PRUNE2: variants seen among roughly 807,000 people sequenced by gnomAD.
The protein encoded by PRUNE2 is protein prune homolog 2.
A neutral mutation model predicts 252.0 loss-of-function variants in PRUNE2; 164 were observed. That is an observed-to-expected ratio of 0.65 (90% confidence interval 0.57 to 0.74). PRUNE2 has a LOEUF of 0.74. PRUNE2 is among the 30% of genes least tolerant of loss of function. The pLI is 0.00. For missense variants in PRUNE2, 3,495 were observed against 3,711.0 expected (o/e 0.94, Z 1.51); for synonymous variants, 1,292 against 1,350.2 (o/e 0.96, Z 0.94).
In PRUNE2 at chr9:76,687,865, G is replaced by A. The variant is rs117077050; in HGVS notation, c.8276+15472C>T. ...ATGAGAGTCCTACACGAATTTCAGAGATAGCAGCAGTTCCTCCAGATGCGG... is the reference window on the plus strand; with the variant it reads ...ATGAGAGTCCTACACGAATTTCAGAAATAGCAGCAGTTCCTCCAGATGCGG... On this transcript the variant is annotated intron_variant, in intron 9 of 18. Transcript: ENST00000376718. Among the ~76,000 whole-genome samples the A allele has an allele frequency of 3.3e-5, 5 of 152,340 alleles. No homozygotes were observed. The East Asian group carries it at 9.6e-4, about 29-fold the overall frequency.
At chr9:76,884,700 G>C (rs370040693) in intron 1 of PRUNE2, among the ~76,000 whole-genome samples, 13 of 152,236 alleles carry the variant, frequency 8.5e-5, no homozygotes, top group African/African-American at 2.9e-4. Flanking sequence ...GGCATTACTA[G>C]TTTTAAAATA....
chr9:76,889,738 G>A (rs1488222321), intron 1 of PRUNE2, among the ~76,000 whole-genome samples: 1 of 152,172 alleles, frequency 6.6e-6, no homozygotes, highest in Non-Finnish European at 1.5e-5. Context: ...CTCCTCGGGG[G>A]GAAGCATGCC....
At chr9:76,619,996 GT>G in intron 17 of PRUNE2, among the ~76,000 whole-genome samples, 1 of 152,006 alleles carries the variant, frequency 6.6e-6, no homozygotes, top group East Asian at 1.9e-4. Context: ...AAATAAAAGT[GT>G]TTTTATGGCA....
intron 11 of PRUNE2, among the ~76,000 whole-genome samples, chr9:76,649,287 AT>A (rs1384108709): frequency 1.2e-4 from 18 of 152,124 alleles, no homozygotes; most frequent in African/African-American, 4.1e-4. Flanking sequence ...AGACACGTTT[AT>A]TTTTCAAAGA....
chr9:76,752,348 C>T (rs2050706694), intron 6 of PRUNE2, among the ~76,000 whole-genome samples: 2 of 152,132 alleles, frequency 1.3e-5, no homozygotes, highest in Non-Finnish European at 2.9e-5. Flanking sequence ...CCACCTGCCT[C>T]GGCCTCCCAA....
At chr9:76,867,884 T>C (rs2060939262) in intron 1 of PRUNE2, among the ~76,000 whole-genome samples, 1 of 152,134 alleles carries the variant, frequency 6.6e-6, no homozygotes, top group Non-Finnish European at 1.5e-5. Flanking sequence ...TTTGCTTTTT[T>C]CTCTTAATCT....
Position 76,708,866 on chromosome 9 carries a change from C to T in PRUNE2, c.3408G>A (p.Leu1136=), listed in dbSNP as rs1477438596. Residue 1136 remains leucine, a synonymous_variant, in exon 8 of 19, where the codon TTG becomes TTA. Coordinates refer to ENST00000376718, the MANE Select transcript of PRUNE2 (RefSeq NM_015225.3). ...TATISDMDND[L]DWDDCSGGAA... Reference sequence around the variant, plus strand: ...CACCCCCACTGCAGTCATCCCAGTCCAAATCATTGTCCATATCTGAGATCG... The same window carrying T: ...CACCCCCACTGCAGTCATCCCAGTCTAAATCATTGTCCATATCTGAGATCG... The T allele has an allele frequency of 2.5e-6, 4 of 1,613,832 alleles. No individual in the cohort carries two copies. The highest frequency in any genetic ancestry group is 3.4e-6 in the Non-Finnish European group (4 of 1,179,890).
chr9:76,837,824 T>C (rs1012393423), intron 4 of PRUNE2, among the ~76,000 whole-genome samples: 2 of 149,760 alleles, frequency 1.3e-5, no homozygotes, highest in Non-Finnish European at 3.0e-5. Context: ...CAGGCTGGAG[T>C]GCAGTGGCGC....
rs572007927 is a variant in PRUNE2, at chr9:76,854,493, T to A, written c.37-285A>T. Among the ~76,000 whole-genome samples, 18 of 152,298 alleles carry A rather than the reference T, an allele frequency of 1.2e-4. No individual in the cohort carries two copies. The South Asian group carries it at 3.7e-3, about 32-fold the overall frequency. ...TGAACTGTATCTCTGAGTCGTAATT[T>A]TTTTAGTAAGTATCATTTTGTTCTA... On this transcript the variant is annotated intron_variant, in intron 1 of 18. Coordinates refer to ENST00000376718, the MANE Select transcript of PRUNE2 (RefSeq NM_015225.3).
intron 3 of PRUNE2, among the ~76,000 whole-genome samples, chr9:76,849,152 C>A (rs969446486): frequency 1.3e-5 from 2 of 152,190 alleles, no homozygotes; most frequent in African/African-American, 4.8e-5. Context: ...CTCAAGTGAA[C>A]CTCCTGCCTT....
At chr9:76,788,361 A>T (rs772251625) in intron 6 of PRUNE2, 7 of 728,504 alleles carry the variant, frequency 9.6e-6, no homozygotes, top group Admixed American at 3.9e-5. Context: ...GTTGATAGTT[A>T]TTATATATAC....
chr9:76,617,530 C>A (rs927015164), intron 18 of PRUNE2, among the ~76,000 whole-genome samples: 4 of 151,294 alleles, frequency 2.6e-5, no homozygotes, highest in African/African-American at 7.3e-5. Context: ...AAAAAAAATT[C>A]TTGGTTACTC....
chr9:76,665,861 G>A (rs955526372), intron 9 of PRUNE2, among the ~76,000 whole-genome samples: 27 of 152,132 alleles, frequency 1.8e-4, no homozygotes, highest in African/African-American at 6.0e-4. Context: ...CCACCTAGGT[G>A]CCAAGGCAAA....
intron 6 of PRUNE2, among the ~76,000 whole-genome samples, chr9:76,807,051 T>TGTGC (rs60768420): frequency 5.0e-5 from 7 of 139,456 alleles, no homozygotes; most frequent in African/African-American, 1.1e-4. Context: ...TGTGTGTGTG[T>TGTGC]GCGCGCGCGC....
In PRUNE2 at chr9:76,706,625, A is replaced by G; in HGVS notation, c.5649T>C (p.Tyr1883=). ...GATGGTTGTCACTAAAAGGATTAGT[A>G]TAGTGTGTTTCCACGGGCTCAATAT... ...QGDIEPVETH[Y]TNPFSDNHQS... The change falls in exon 8 of 19, where the codon TAT becomes TAC. Residue 1883 remains tyrosine (Y), a synonymous_variant. Coordinates refer to ENST00000376718, the MANE Select transcript of PRUNE2 (RefSeq NM_015225.3). 6.2e-7 allele frequency: 1 copy of G among 1,613,958 alleles called. No individual in the cohort carries two copies.
chr9:76,796,639 T>C (rs1181826192), intron 6 of PRUNE2, among the ~76,000 whole-genome samples: 1 of 152,224 alleles, frequency 6.6e-6, no homozygotes, highest in African/African-American at 2.4e-5. Flanking sequence ...ATAGTTAATT[T>C]TGTATGTGTC....
chr9:76,671,885 A>C, intron 9 of PRUNE2, among the ~76,000 whole-genome samples: 1 of 152,138 alleles, frequency 6.6e-6, no homozygotes, highest in Non-Finnish European at 1.5e-5. Flanking sequence ...CCTGCCTTAC[A>C]AGAGCTCCTG....
At chr9:76,665,130 C>G (rs2039879331) in intron 9 of PRUNE2, among the ~76,000 whole-genome samples, 2 of 152,182 alleles carry the variant, frequency 1.3e-5, no homozygotes, top group Non-Finnish European at 2.9e-5. Context: ...AACCTTGACA[C>G]CACCTTCTTG....
At chr9:76,663,883 T>C (rs1180815395) in intron 9 of PRUNE2, among the ~76,000 whole-genome samples, 3 of 152,216 alleles carry the variant, frequency 2.0e-5, no homozygotes, top group Non-Finnish European at 2.9e-5. Flanking sequence ...TGGCATAATC[T>C]CACATTGGAG....
Sources: allele counts gnomAD v4.1 joint callset (sites outside exome capture counted in the v4.1 genomes callset), GRCh38; gene constraint gnomAD v4.1.1; transcripts MANE v1.5; gene names NCBI Gene and HGNC (gene_info 2026-07-23, HGNC 2026-07-21).